The following ZNF423 variants were observed in gnomAD, a reference collection of about 807,000 sequenced individuals.
The protein encoded by ZNF423 is Ebf-associated zinc finger protein.
Under a neutral mutation model 95.8 loss-of-function variants are expected in ZNF423, and 12 were observed. The ratio of observed to expected loss-of-function variants is 0.13; its 90% confidence interval spans 0.08 to 0.20. The LOEUF is 0.20. Among genes scored for constraint, ZNF423 ranks in the 10% least tolerant of loss-of-function variants. The pLI is 1.00. For missense variants in ZNF423, 1,316 were observed against 1,737.1 expected, an observed-to-expected ratio of 0.76 and a Z score of 4.31; for synonymous variants, 749 against 711.9, an observed-to-expected ratio of 1.05 and a Z score of -0.83.
intron 4 of ZNF423, among the ~76,000 whole-genome samples, chr16:49,632,382 C>T (rs71382763): frequency 5.9e-5 from 9 of 152,264 alleles, no homozygotes; most frequent in Non-Finnish European, 1.2e-4. Flanking sequence ...GGTGGGCTAA[C>T]TGACATCTGG....
chr16:49,567,999 G>C (rs1473996723), intron 5 of ZNF423, among the ~76,000 whole-genome samples: 1 of 152,184 alleles, frequency 6.6e-6, no homozygotes, highest in Non-Finnish European at 1.5e-5. Flanking sequence ...CACCATCAGA[G>C]AATAATGGCA....
chr16:49,587,665 T>TG (rs1259567593), intron 5 of ZNF423, among the ~76,000 whole-genome samples: 1 of 151,962 alleles, frequency 6.6e-6, no homozygotes, highest in Non-Finnish European at 1.5e-5. Context: ...CAAGAGTGTC[T>TG]AAGGAGTAGT....
At position 49,815,310 on chromosome 16, in the gene ZNF423, C is replaced by T. The variant is rs1008813066; in HGVS notation, c.41-25764G>A. ...AAAAAAGCAGCCCCCTAAGCAGCAGCTGCACAAAGATCTCGATACGGGGTC... is the reference window on the plus strand; with the variant it reads ...AAAAAAGCAGCCCCCTAAGCAGCAGTTGCACAAAGATCTCGATACGGGGTC... On this transcript the variant is annotated intron_variant, in intron 1 of 7. Transcript: ENST00000563137. 7.9e-5 allele frequency among the ~76,000 whole-genome samples: 12 copies of T among 152,262 alleles called. No homozygotes were observed. In the South Asian group the frequency reaches 1.0e-3, roughly 13 times the overall value.
chr16:49,549,105 G>T (rs973697887), intron 5 of ZNF423, among the ~76,000 whole-genome samples: 1 of 152,180 alleles, frequency 6.6e-6, no homozygotes, highest in African/African-American at 2.4e-5. Context: ...TCAAAGACTC[G>T]AACTATTGAA....
rs142154194 is a variant in ZNF423, at chr16:49,496,987, C to T, written c.3850-5683G>A. On this transcript the variant is annotated intron_variant, in intron 7 of 7. Transcript: ENST00000563137. ...GCTGGCAAGGTCTTAAGAACAATCC[C>T]GAGATGGCTGAACTTTGGATGGTCC... Among the ~76,000 whole-genome samples the T allele has an allele frequency of 5.9e-5, 9 of 152,286 alleles. 1 individual carries two copies. In the South Asian group the frequency reaches 1.2e-3, roughly 21 times the overall value.
chr16:49,634,145 A>G (rs1972599935), intron 4 of ZNF423, among the ~76,000 whole-genome samples: 2 of 149,472 alleles, frequency 1.3e-5, no homozygotes. Context: ...TGACCTCGTC[A>G]TCCACCTGCC....
intron 2 of ZNF423, among the ~76,000 whole-genome samples, chr16:49,740,779 C>T (rs1026975990): frequency 6.6e-6 from 1 of 152,180 alleles, no homozygotes; most frequent in Non-Finnish European, 1.5e-5. Flanking sequence ...GGGACTGATA[C>T]AGGACAACCC....
At chr16:49,749,668 G>T (rs1306527695) in intron 2 of ZNF423, among the ~76,000 whole-genome samples, 1 of 152,064 alleles carries the variant, frequency 6.6e-6, no homozygotes, top group African/African-American at 2.4e-5. Flanking sequence ...TGTTCCACTC[G>T]CCCCTGGGCC....
chr16:49,559,637 C>T (rs776462235), intron 5 of ZNF423, among the ~76,000 whole-genome samples: 1 of 152,212 alleles, frequency 6.6e-6, no homozygotes, highest in Non-Finnish European at 1.5e-5. Flanking sequence ...TTCCTGTGGG[C>T]GGTCTGCTCC....
In ZNF423 at chr16:49,851,870, G is replaced by C. The variant is rs543678376; in HGVS notation, c.40+3865C>G. ...ATGAAACAGGCCCTACCAAAGCTGG[G>C]AATCGATAACTTAATTGAGGAGGGG... is the stretch of plus-strand genomic sequence containing the variant. On this transcript the variant is annotated intron_variant, in intron 1 of 7. Transcript: ENST00000563137. Among the ~76,000 whole-genome samples the C allele has an allele frequency of 3.3e-5, 5 of 152,270 alleles. No individual in the cohort carries two copies. In the East Asian group the frequency reaches 7.7e-4, roughly 23 times the overall value.
chr16:49,698,916 C>T (rs956331594), intron 3 of ZNF423, among the ~76,000 whole-genome samples: 1 of 152,244 alleles, frequency 6.6e-6, no homozygotes, highest in Non-Finnish European at 1.5e-5. Flanking sequence ...AAGAAACCCA[C>T]CAGAGACCCG....
intron 5 of ZNF423, among the ~76,000 whole-genome samples, chr16:49,573,356 C>T (rs1300092807): frequency 6.6e-6 from 1 of 152,200 alleles, no homozygotes. Flanking sequence ...CCTCTTCTCT[C>T]CCAGCTCCAT....
intron 3 of ZNF423, among the ~76,000 whole-genome samples, chr16:49,689,818 C>T (rs546934743): frequency 6.9e-4 from 105 of 152,208 alleles, no homozygotes; most frequent in African/African-American, 2.3e-3. Context: ...GTCCTTCCCC[C>T]GACCAAAAAA....
chr16:49,762,575 G>T (rs903286641), intron 2 of ZNF423, among the ~76,000 whole-genome samples: 1 of 152,158 alleles, frequency 6.6e-6, no homozygotes, highest in Admixed American at 6.5e-5. Flanking sequence ...GAAAAGATAG[G>T]CATCCTGCAC....
At chr16:49,763,319 C>T (rs35601749) in intron 2 of ZNF423, among the ~76,000 whole-genome samples, 28,686 of 151,242 alleles carry the variant, frequency 0.19, 2,868 homozygotes, top group East Asian at 0.29. Flanking sequence ...CACTCTGTTG[C>T]CCAGGCTGGA....
intron 5 of ZNF423, among the ~76,000 whole-genome samples, chr16:49,596,643 C>T (rs940422176): frequency 6.6e-6 from 1 of 152,204 alleles, no homozygotes; most frequent in Non-Finnish European, 1.5e-5. Flanking sequence ...CAGCAAGCCA[C>T]AAATGCACTC....
intron 5 of ZNF423, among the ~76,000 whole-genome samples, chr16:49,578,338 G>T (rs1233633925): frequency 6.6e-6 from 1 of 152,146 alleles, no homozygotes; most frequent in Non-Finnish European, 1.5e-5. Flanking sequence ...GCTTCCATTT[G>T]CTAAGGGTCT....
intron 2 of ZNF423, among the ~76,000 whole-genome samples, chr16:49,782,582 C>T (rs1198001777): frequency 6.6e-6 from 1 of 152,236 alleles, no homozygotes; most frequent in Non-Finnish European, 1.5e-5. Flanking sequence ...GTGTCTGTCA[C>T]CATGCCAGAA....
At chr16:49,850,268 T>A (rs1321199920) in intron 1 of ZNF423, among the ~76,000 whole-genome samples, 1 of 152,122 alleles carries the variant, frequency 6.6e-6, no homozygotes, top group Non-Finnish European at 1.5e-5. Flanking sequence ...CCCCAAAAAC[T>A]TCAAGCGGGA....
Sources: gnomAD v4.1 joint callset for allele counts (sites outside exome capture counted in the v4.1 genomes callset) on GRCh38, gnomAD v4.1.1 for gene constraint, MANE v1.5 for transcripts, NCBI Gene and HGNC (gene_info 2026-07-23, HGNC 2026-07-21) for gene names.